Variants in GGA2 observed in about 807,000 individuals in gnomAD.
The protein encoded by GGA2 is golgi associated, gamma adaptin ear containing, ARF binding protein 2.
GGA2 carries 48 observed loss-of-function variants against 79.5 expected under a neutral mutation model. The ratio of observed to expected loss-of-function variants is 0.60; its 90% confidence interval spans 0.48 to 0.77. GGA2 has a LOEUF of 0.77. Ranked by LOEUF, GGA2 falls within the 30% of genes least tolerant of loss-of-function variation. The pLI is 0.00. For missense variants in GGA2, 770 were observed against 774.0 expected (o/e 0.99, Z 0.06); for synonymous variants, 317 against 302.0 (o/e 1.05, Z -0.51).
At chr16:23,478,987 T>C in intron 11 of GGA2, 76 bp from the exon 12 acceptor site, 1 of 998,200 alleles carries the variant, frequency 1.0e-6, no homozygotes, top group Non-Finnish European at 1.6e-6. Flanking sequence ...GCCACACCCA[T>C]CCTTTCTAGG....
At chr16:23,487,680 T>A (rs1273793735) in intron 6 of GGA2, among the ~76,000 whole-genome samples, 1 of 151,846 alleles carries the variant, frequency 6.6e-6, no homozygotes, top group African/African-American at 2.4e-5. Flanking sequence ...ACACCATACC[T>A]CCTTCCTAGC....
chr16:23,467,778 T>C (rs1483388191), intron 16 of GGA2, 78 bp from the exon 17 acceptor site: 3 of 756,610 alleles, frequency 4.0e-6, no homozygotes, highest in Non-Finnish European at 7.3e-6. Flanking sequence ...GTCAAGTGAG[T>C]GTTTCAAACA....
intron 2 of GGA2, among the ~76,000 whole-genome samples, chr16:23,516,038 T>G (rs973487512): frequency 1.4e-5 from 2 of 147,740 alleles, no homozygotes; most frequent in African/African-American, 5.0e-5. Flanking sequence ...GACAGGGTCT[T>G]GCTCTGTTGC....
intron 14 of GGA2, among the ~76,000 whole-genome samples, chr16:23,473,979 G>A (rs1395795041): frequency 6.6e-6 from 1 of 152,182 alleles, no homozygotes; most frequent in Non-Finnish European, 1.5e-5. Flanking sequence ...GCCATAGGAG[G>A]GCTCTGTGCT....
At chr16:23,494,221 A>T (rs1363693135) in intron 3 of GGA2, 82 bp downstream of exon 3, 4 of 898,266 alleles carry the variant, frequency 4.5e-6, no homozygotes, top group Non-Finnish European at 7.6e-6. Context: ...AGTGAAAAGG[A>T]TCTGTGTGGA....
chr16:23,505,018 C>T (rs557893318), intron 1 of GGA2, among the ~76,000 whole-genome samples: 7 of 152,284 alleles, frequency 4.6e-5, no homozygotes, highest in Non-Finnish European at 7.4e-5. Flanking sequence ...CACCAGCAGC[C>T]GCCTGTGCTA....
chr16:23,477,045 G>C (rs1014360164), intron 13 of GGA2, among the ~76,000 whole-genome samples: 1 of 152,070 alleles, frequency 6.6e-6, no homozygotes, highest in African/African-American at 2.4e-5. Context: ...TCGACTTTCC[G>C]GGCTCAAGTG....
At chr16:23,516,515 C>A (rs1284853644) in intron 2 of GGA2, among the ~76,000 whole-genome samples, 1 of 152,048 alleles carries the variant, frequency 6.6e-6, no homozygotes, top group Admixed American at 6.6e-5. Flanking sequence ...TTCCTTCCAT[C>A]TGCTCCTGCT....
At chr16:23,474,635 C>T (rs914301788) in intron 14 of GGA2, among the ~76,000 whole-genome samples, 1 of 151,664 alleles carries the variant, frequency 6.6e-6, no homozygotes, top group African/African-American at 2.4e-5. Flanking sequence ...TCTTCCCCCC[C>T]AAATAGAGAC....
intron 1 of GGA2, among the ~76,000 whole-genome samples, chr16:23,503,751 A>G (rs1318060106): frequency 6.6e-6 from 1 of 152,230 alleles, no homozygotes; most frequent in Non-Finnish European, 1.5e-5. Flanking sequence ...AAGATTTATC[A>G]TGGCTCAAAA....
intron 2 of GGA2, among the ~76,000 whole-genome samples, chr16:23,495,102 G>C (rs1040383423): frequency 2.4e-3 from 183 of 76,664 alleles, no homozygotes; most frequent in African/African-American, 5.1e-3. Flanking sequence ...GAAAAGAAAA[G>C]AAAACAAAAC....
chr16:23,484,516 T>G (rs1964688837), intron 8 of GGA2, among the ~76,000 whole-genome samples: 1 of 152,176 alleles, frequency 6.6e-6, no homozygotes, highest in South Asian at 2.1e-4. Context: ...ATAAGGAACC[T>G]GTATCCAGAA....
At chr16:23,524,356 C>G (rs200936622), upstream of GGA2, 1,527 of 1,611,046 alleles carry the variant, frequency 9.5e-4, 6 homozygotes, top group Middle Eastern at 9.1e-3. Flanking sequence ...CTCCACTGCC[C>G]GAAACATCCT....
chr16:23,483,947 G>A (rs1964681003), intron 8 of GGA2, among the ~76,000 whole-genome samples: 1 of 149,722 alleles, frequency 6.7e-6, no homozygotes, highest in Admixed American at 6.6e-5. Context: ...GCGCCCGGCT[G>A]GGCTGTGGTT....
chr16:23,482,453 A>C (rs1964659860), intron 9 of GGA2, among the ~76,000 whole-genome samples: 2 of 152,188 alleles, frequency 1.3e-5, no homozygotes, highest in African/African-American at 4.8e-5. Flanking sequence ...ATTTTCCACA[A>C]TAAAGAGTTA....
chr16:23,501,102 C>A, intron 1 of GGA2: 1 of 383,074 alleles, frequency 2.6e-6, no homozygotes, highest in Non-Finnish European at 5.1e-6. Flanking sequence ...GCCAATACAC[C>A]CACTTTCACA....
In GGA2 at chr16:23,510,391, C is replaced by T; in HGVS notation, c.21G>A (p.Ala7=). Reference sequence around the variant, plus strand: ...CCGACTCGGTTCCCGCCACAGCCGCCGCCACCGCGGTCGCCGCCATCGCTC... The same window carrying T: ...CCGACTCGGTTCCCGCCACAGCCGCTGCCACCGCGGTCGCCGCCATCGCTC... The part of the protein sequence containing the change: MAATAV[A]AAVAGTESAQ... The change falls in exon 1 of 17, where the codon GCG becomes GCA. Residue 7 remains alanine (A), a synonymous_variant. Coordinates refer to ENST00000309859, the MANE Select transcript of GGA2 (RefSeq NM_015044.4). 1.4e-6 allele frequency: 2 copies of T among 1,398,736 alleles called. No individual in the cohort carries two copies. The highest frequency in any genetic ancestry group is 3.1e-5 in the East Asian group (1 of 32,290). The allele number at this position is 1,398,736 out of a possible 1,614,324, so 86.6% of individuals were successfully genotyped here.
At chr16:23,480,151 C>T (rs775668242) in intron 10 of GGA2, 78 of 440,200 alleles carry the variant, frequency 1.8e-4, no homozygotes, top group Middle Eastern at 6.8e-4. Flanking sequence ...AAAGCAGATT[C>T]GGCCTTCTCC....
At chr16:23,509,731 A>G (rs988957948) in intron 1 of GGA2, among the ~76,000 whole-genome samples, 5 of 146,684 alleles carry the variant, frequency 3.4e-5, no homozygotes, top group African/African-American at 1.2e-4. Flanking sequence ...CTCTTAAAGG[A>G]AAAAAAAAAC....
Sources: allele counts gnomAD v4.1 joint callset (sites outside exome capture counted in the v4.1 genomes callset), GRCh38; gene constraint gnomAD v4.1.1; transcripts MANE v1.5; gene names NCBI Gene and HGNC (gene_info 2026-07-23, HGNC 2026-07-21).